ARHGAP28: variants seen among roughly 807,000 people sequenced by gnomAD.
The protein encoded by ARHGAP28 is rho GTPase-activating protein 28.
In ARHGAP28, 56 loss-of-function variants were observed where a neutral mutation model predicts 90.7. That is an observed-to-expected ratio of 0.62 (90% confidence interval 0.50 to 0.77). ARHGAP28 has a LOEUF of 0.77. ARHGAP28 is among the 30% of genes least tolerant of loss of function. The pLI is 0.00. For synonymous variants in ARHGAP28, 308 were observed against 323.3 expected (o/e 0.95, Z 0.51); for missense variants, 869 against 900.9 (o/e 0.96, Z 0.45).
Position 6,857,592 on chromosome 18 carries a change from CTA to C in ARHGAP28, c.637-2214_637-2213del, listed in dbSNP as rs559663622. On this transcript the variant is annotated intron_variant, in intron 4 of 17. Coordinates refer to ENST00000383472, the MANE Select transcript of ARHGAP28 (RefSeq NM_001366230.1). ...GTGGAGGGAGAGCTTCTGACCATGA[CTA>C]TCAATCTGAGGTGTTTCATCTTGTC... 2.6e-4 allele frequency among the ~76,000 whole-genome samples: 40 copies of C among 152,278 alleles called. No individual in the cohort carries two copies. The South Asian group carries it at 8.3e-3, about 32-fold the overall frequency.
intron 1 of ARHGAP28, among the ~76,000 whole-genome samples, chr18:6,806,986 G>C (rs1257304680): frequency 2.0e-5 from 3 of 151,930 alleles, no homozygotes; most frequent in African/African-American, 7.3e-5. Context: ...TTATTCCTCT[G>C]TACATACAGG....
chr18:6,792,853 G>A (rs1273656988), intron 1 of ARHGAP28, among the ~76,000 whole-genome samples: 2 of 152,156 alleles, frequency 1.3e-5, no homozygotes, highest in African/African-American at 2.4e-5. Flanking sequence ...ACATATGAAT[G>A]TTGCTGTTCC....
intron 3 of ARHGAP28, among the ~76,000 whole-genome samples, chr18:6,841,187 C>CCTCTCTCACTGTCTCTCTCCTCTT (rs2056816654): frequency 6.9e-5 from 4 of 57,906 alleles, no homozygotes; most frequent in African/African-American, 3.8e-4. Flanking sequence ...TCTCCTCTCT[C>CCTCTCTCACTGTCTCTCTCCTCTT]TCTCTCTCTC....
Position 6,828,493 on chromosome 18 carries a change from T to C in ARHGAP28, c.325+3529T>C, listed in dbSNP as rs569746529. ...CCTTTGGGAACTTGGCCAAAAATTA[T>C]GCCAAGACTGATGTCAGGAAGGATA... On this transcript the variant is annotated intron_variant, in intron 2 of 17. Transcript: ENST00000383472. 7.9e-5 allele frequency among the ~76,000 whole-genome samples: 12 copies of C among 152,362 alleles called. No individual in the cohort carries two copies. The East Asian group carries it at 2.1e-3, about 27-fold the overall frequency.
chr18:6,890,719 G>A (rs995612391), intron 14 of ARHGAP28, among the ~76,000 whole-genome samples, 176 bp downstream of exon 14: 3 of 152,148 alleles, frequency 2.0e-5, no homozygotes, highest in Non-Finnish European at 4.4e-5. Flanking sequence ...CGTGGCCTTT[G>A]CATCTTGTTG....
chr18:6,874,181 CAAAT>C (rs1022438077), intron 9 of ARHGAP28, among the ~76,000 whole-genome samples: 1 of 152,114 alleles, frequency 6.6e-6, no homozygotes, highest in African/African-American at 2.4e-5. Context: ...ATAAATCATA[CAAAT>C]ATTTGCTGAG....
intron 1 of ARHGAP28, among the ~76,000 whole-genome samples, chr18:6,749,471 C>G (rs2056051383): frequency 6.6e-6 from 1 of 152,140 alleles, no homozygotes; most frequent in African/African-American, 2.4e-5. Context: ...TAGAAAACAT[C>G]TAACCTTATT....
At chr18:6,777,198 A>G (rs183899972) in intron 1 of ARHGAP28, among the ~76,000 whole-genome samples, 27 of 152,314 alleles carry the variant, frequency 1.8e-4, no homozygotes, top group Non-Finnish European at 7.4e-5. Context: ...ATAGAAAAAG[A>G]TGTATTTGAG....
At chr18:6,793,036 T>C (rs1290375277) in intron 1 of ARHGAP28, among the ~76,000 whole-genome samples, 3 of 152,238 alleles carry the variant, frequency 2.0e-5, no homozygotes, top group African/African-American at 7.2e-5. Context: ...CTGCATGATT[T>C]GTTGTGGCTT....
At chr18:6,842,216 G>T (rs555437507) in intron 3 of ARHGAP28, among the ~76,000 whole-genome samples, 1 of 152,134 alleles carries the variant, frequency 6.6e-6, no homozygotes, top group South Asian at 2.1e-4. Flanking sequence ...AGCCAGTTGC[G>T]GTGGCACGTA....
chr18:6,877,197 A>G (rs1406386750), intron 10 of ARHGAP28, among the ~76,000 whole-genome samples: 1 of 152,196 alleles, frequency 6.6e-6, no homozygotes, highest in Non-Finnish European at 1.5e-5. Context: ...GTGTGACGAG[A>G]GGTTTTTCTA....
At chr18:6,909,305 T>TTTTCTTTTC (rs1386835516) in intron 17 of ARHGAP28, among the ~76,000 whole-genome samples, 2 of 93,126 alleles carry the variant, frequency 2.1e-5, no homozygotes, top group Non-Finnish European at 4.6e-5. Context: ...CTTTTCTTTT[T>TTTTCTTTTC]TTTTTGAGAC....
At chr18:6,827,404 C>T (rs573279471) in intron 2 of ARHGAP28, among the ~76,000 whole-genome samples, 61 of 136,220 alleles carry the variant, frequency 4.5e-4, no homozygotes, top group Non-Finnish European at 6.3e-4. Flanking sequence ...GGCGGCTGGC[C>T]GGGAGGGGGG....
rs994264077 is a variant in ARHGAP28, at chr18:6,740,191, A to G, written c.122+10248A>G. ...TTCATAATGAACATTGAGAAACCAC[A>G]CTTCATGAGAATTAATGAATTCTTC... On this transcript the variant is annotated intron_variant, in intron 1 of 17. Transcript: ENST00000383472. 3.9e-5 allele frequency among the ~76,000 whole-genome samples: 6 copies of G among 152,340 alleles called. No homozygotes were observed. The South Asian group carries it at 8.3e-4, about 21-fold the overall frequency.
At chr18:6,776,271 C>T (rs920456000) in intron 1 of ARHGAP28, among the ~76,000 whole-genome samples, 3 of 152,136 alleles carry the variant, frequency 2.0e-5, no homozygotes, top group African/African-American at 7.2e-5. Flanking sequence ...CCAGATGAGC[C>T]GAGTGCAGGA....
intron 1 of ARHGAP28, among the ~76,000 whole-genome samples, chr18:6,821,568 C>T: frequency 6.6e-6 from 1 of 152,296 alleles, no homozygotes; most frequent in Admixed American, 6.5e-5. Flanking sequence ...GTTCCTTCTC[C>T]ACCCTGGGGT....
chr18:6,746,465 C>T (rs1046950671), intron 1 of ARHGAP28, among the ~76,000 whole-genome samples: 4 of 152,204 alleles, frequency 2.6e-5, no homozygotes, highest in African/African-American at 7.2e-5. Flanking sequence ...GCCTGTGGGC[C>T]ATAATAGTAT....
At chr18:6,899,586 T>C (rs932961576) in intron 16 of ARHGAP28, among the ~76,000 whole-genome samples, 3 of 152,144 alleles carry the variant, frequency 2.0e-5, no homozygotes, top group Non-Finnish European at 4.4e-5. Flanking sequence ...AAGCAGGGAA[T>C]GGATCTGCCA....
At chr18:6,909,739 C>G (rs573209193) in intron 17 of ARHGAP28, among the ~76,000 whole-genome samples, 6 of 152,236 alleles carry the variant, frequency 3.9e-5, no homozygotes, top group African/African-American at 1.2e-4. Flanking sequence ...TTCATTCTTT[C>G]TATTTCCCTG....
Sources: gnomAD v4.1 joint callset for allele counts (sites outside exome capture counted in the v4.1 genomes callset) on GRCh38, gnomAD v4.1.1 for gene constraint, MANE v1.5 for transcripts, NCBI Gene and HGNC (gene_info 2026-07-23, HGNC 2026-07-21) for gene names.